Variants in PREX1 observed in about 807,000 individuals in gnomAD.
PREX1 encodes the protein phosphatidylinositol 3,4,5-trisphosphate-dependent Rac exchanger 1 protein.
Under a neutral mutation model 198.3 loss-of-function variants are expected in PREX1, and 41 were observed. That is an observed-to-expected ratio of 0.21 (90% CI 0.16 to 0.27). PREX1 has a LOEUF of 0.27. PREX1 is among the 10% of genes least tolerant of loss of function. The pLI, the probability that PREX1 is intolerant of heterozygous loss-of-function variation, is 1.00. For missense variants in PREX1, 1,620 were observed against 2,200.7 expected (o/e 0.74, Z 5.28); for synonymous variants, 843 against 887.2 (o/e 0.95, Z 0.89).
intron 5 of PREX1, among the ~76,000 whole-genome samples, chr20:48,724,659 A>T (rs1196543597): frequency 6.6e-6 from 1 of 152,262 alleles, no homozygotes; most frequent in Non-Finnish European, 1.5e-5. Context: ...CTTAGCTCAT[A>T]GGCTGTATAA....
chr20:48,866,126 T>C, the PREX1 span, among the ~76,000 whole-genome samples: 4,231 of 152,230 alleles, frequency 0.028, 89 homozygotes, highest in Non-Finnish European at 0.04. Flanking sequence ...TTATTAAAGT[T>C]TTTGTAGAGA....
At chr20:48,819,967 G>A (rs1252860880) in intron 1 of PREX1, among the ~76,000 whole-genome samples, 1 of 152,218 alleles carries the variant, frequency 6.6e-6, no homozygotes, top group Non-Finnish European at 1.5e-5. Flanking sequence ...GGAAGCACAA[G>A]ACCCTGGGTC....
intron 4 of PREX1, among the ~76,000 whole-genome samples, chr20:48,728,765 C>T (rs1395139847): frequency 6.6e-6 from 1 of 152,178 alleles, no homozygotes; most frequent in Non-Finnish European, 1.5e-5. Context: ...AAGATTTTCA[C>T]AGCCACCAAG....
intron 5 of PREX1, among the ~76,000 whole-genome samples, chr20:48,721,757 GC>G (rs1370888305): frequency 6.6e-6 from 1 of 152,212 alleles, no homozygotes; most frequent in East Asian, 1.9e-4. Context: ...AGGCAGGGAG[GC>G]CCGCTGGGGC....
At chr20:48,862,807 A>ATATATGTGTGTG in the PREX1 span, among the ~76,000 whole-genome samples, 9 of 126,710 alleles carry the variant, frequency 7.1e-5, 1 homozygote, top group Admixed American at 1.6e-4. Context: ...ATATATATAT[A>ATATATGTGTGTG]TATATACTAA....
chr20:48,743,559 T>C (rs1376738962), intron 3 of PREX1, among the ~76,000 whole-genome samples: 3 of 152,222 alleles, frequency 2.0e-5, no homozygotes, highest in African/African-American at 4.8e-5. Flanking sequence ...ATTGTGCTCT[T>C]ATTTGTCCAA....
chr20:48,862,145 G>T, the PREX1 span, among the ~76,000 whole-genome samples: 2 of 152,046 alleles, frequency 1.3e-5, no homozygotes, highest in African/African-American at 4.8e-5. Context: ...AGGAGGCGAG[G>T]TTCCAGTGAG....
At chr20:48,872,158 C>CA in the PREX1 span, among the ~76,000 whole-genome samples, 420 of 96,876 alleles carry the variant, frequency 4.3e-3, 1 homozygote, top group South Asian at 0.024. Flanking sequence ...GACTCTGTCT[C>CA]AAAAAAAAAA....
At chr20:48,795,284 C>G (rs958601805) in intron 1 of PREX1, among the ~76,000 whole-genome samples, 3 of 152,112 alleles carry the variant, frequency 2.0e-5, no homozygotes, top group Non-Finnish European at 4.4e-5. Flanking sequence ...GCCTCCATTT[C>G]CTTATCTGTG....
chr20:48,722,893 G>C (rs955647747), intron 5 of PREX1, among the ~76,000 whole-genome samples: 2 of 152,256 alleles, frequency 1.3e-5, no homozygotes, highest in African/African-American at 4.8e-5. Context: ...CAGCGACACA[G>C]ATGTGTGCAT....
chr20:48,636,930 CCAAA>C (rs942437298), intron 31 of PREX1, among the ~76,000 whole-genome samples: 6 of 152,324 alleles, frequency 3.9e-5, no homozygotes, highest in East Asian at 3.9e-4. Flanking sequence ...GCTTTGAAAA[CCAAA>C]CAAACAAACA....
chr20:48,674,983 C>A (rs57135563), intron 14 of PREX1, among the ~76,000 whole-genome samples: 25,427 of 152,208 alleles, frequency 0.17, 4,376 homozygotes, highest in African/African-American at 0.44. Context: ...AGTTTTAAAA[C>A]TGAAAGAAAG....
the PREX1 span, among the ~76,000 whole-genome samples, chr20:48,855,314 C>T: frequency 1.3e-5 from 2 of 152,066 alleles, no homozygotes; most frequent in African/African-American, 2.4e-5. Flanking sequence ...ATTTTAACCA[C>T]TTTATTTTTT....
chr20:48,655,974 G>A (rs2089539949), intron 18 of PREX1, among the ~76,000 whole-genome samples: 1 of 152,088 alleles, frequency 6.6e-6, no homozygotes, highest in Non-Finnish European at 1.5e-5. Flanking sequence ...ATTCCCCCCT[G>A]CAGATAAAGC....
At chr20:48,781,584 C>A (rs1258961696) in intron 1 of PREX1, among the ~76,000 whole-genome samples, 1 of 152,170 alleles carries the variant, frequency 6.6e-6, no homozygotes, top group Non-Finnish European at 1.5e-5. Flanking sequence ...GAAGAGTCCC[C>A]AAGTCAGACA....
chr20:48,848,254 TTTTTTTTTGTTTC>T, the PREX1 span, among the ~76,000 whole-genome samples: 9 of 151,888 alleles, frequency 5.9e-5, no homozygotes, highest in South Asian at 1.9e-3. Flanking sequence ...TTTTCTTTTT[TTTTTTTTTGTTTC>T]TTTTTGAGAC....
chr20:48,652,000 A>G (rs921682109), intron 21 of PREX1, among the ~76,000 whole-genome samples: 2 of 152,236 alleles, frequency 1.3e-5, no homozygotes, highest in South Asian at 2.1e-4. Flanking sequence ...GGAGGACCAC[A>G]GCCCTGTGGA....
At chr20:48,693,197 T>TCCATCCAA (rs1292067308) in intron 7 of PREX1, among the ~76,000 whole-genome samples, 2 of 151,402 alleles carry the variant, frequency 1.3e-5, no homozygotes, top group East Asian at 3.9e-4. Context: ...CGTCCATCCA[T>TCCATCCAA]CCATCCATCC....
At chr20:48,700,720 G>T in intron 7 of PREX1, 33 bp downstream of exon 7, 1 of 1,611,200 alleles carries the variant, frequency 6.2e-7, no homozygotes, top group Non-Finnish European at 8.5e-7. Context: ...AAGGCAGCAG[G>T]CCAGACCCCA....
Sources: allele counts gnomAD v4.1 joint callset (sites outside exome capture counted in the v4.1 genomes callset), GRCh38; gene constraint gnomAD v4.1.1; transcripts MANE v1.5; gene names NCBI Gene and HGNC (gene_info 2026-07-23, HGNC 2026-07-21).